The following SEMA3G variants were observed in gnomAD, a reference collection of about 807,000 sequenced individuals.
The protein encoded by SEMA3G is semaphorin 3G, also known as semaphorin-3G.
Under a neutral mutation model 86.2 loss-of-function variants are expected in SEMA3G, and 70 were observed. The ratio of observed to expected loss-of-function variants is 0.81; its 90% CI spans 0.67 to 0.99. SEMA3G has a LOEUF of 0.99. Ranked by LOEUF, SEMA3G falls within the 50% of genes least tolerant of loss-of-function variation. The probability of loss-of-function intolerance (pLI) is 0.00; values close to 1 mark genes in which losing one functional copy is unlikely to be tolerated. For synonymous variants in SEMA3G, 416 were observed against 441.4 expected, an observed-to-expected ratio of 0.94 and a Z score of 0.72; for missense variants, 1,002 against 1,072.4, an observed-to-expected ratio of 0.93 and a Z score of 0.92.
Position 52,437,780 on chromosome 3 carries a change from C to T in SEMA3G, c.1739-114G>A, listed in dbSNP as rs542522285. 3.9e-5 allele frequency: 50 copies of T among 1,287,584 alleles called. No individual in the cohort carries two copies. In the South Asian group the frequency reaches 5.2e-4, roughly 13 times the overall value. The allele number at this position is 1,287,584 out of a possible 1,614,324, so 79.8% of individuals were successfully genotyped here. A position where few individuals can be genotyped will look rare whatever the true frequency, so the allele number is the denominator to read the frequency against. ...CTAGTATGACAAGAACTTAGGCATG[C>T]GTGGATCCCCAAGCCAGCCACTGTG... On this transcript the variant is annotated intron_variant, in intron 14 of 15. Coordinates refer to ENST00000231721, the MANE Select transcript of SEMA3G (RefSeq NM_020163.3).
chr3:52,440,231 C>G, intron 10 of SEMA3G, 133 bp from the exon 11 acceptor site: 2 of 1,087,884 alleles, frequency 1.8e-6, no homozygotes, highest in East Asian at 5.2e-5. Context: ...CTACACCCAC[C>G]CCACCCCACC....
At chr3:52,439,831 C>T in intron 11 of SEMA3G, 36 bp downstream of exon 11, 4 of 1,611,124 alleles carry the variant, frequency 2.5e-6, no homozygotes, top group Non-Finnish European at 3.4e-6. Flanking sequence ...CCCCACACCC[C>T]TCTCCAGCCT....
intron 12 of SEMA3G, 74 bp from the exon 13 acceptor site, chr3:52,439,035 C>T: frequency 1.3e-6 from 2 of 1,530,286 alleles, no homozygotes; most frequent in Non-Finnish European, 1.8e-6. Flanking sequence ...TTTCAGTCTC[C>T]TCCAACCCTG....
At position 52,438,188 on chromosome 3, in the gene SEMA3G, G is replaced by A. The variant is rs537880373; in HGVS notation, c.1521C>T (p.Tyr507=). The part of the protein sequence containing the change: ...MEISVKRQML[Y]VGSRLGVAQL... The stretch of plus-strand genomic sequence containing the variant: ...GGGCCACACCCAGCCGAGAGCCCAC[G>A]TATAGCATTTGCTGGGGAGGGACAG... Residue 507 remains tyrosine, a synonymous_variant, in exon 14 of 16, where the codon TAC becomes TAT. Transcript: ENST00000231721. 18 of 1,612,860 alleles carry A rather than the reference G, an allele frequency of 1.1e-5. No homozygotes were observed. Among genetic ancestry groups the A allele is most frequent in the Middle Eastern group, 1.7e-4 (1 of 6,046 alleles).
chr3:52,444,221 C>T (rs533765343), intron 1 of SEMA3G, among the ~76,000 whole-genome samples: 23 of 152,310 alleles, frequency 1.5e-4, no homozygotes, highest in Non-Finnish European at 2.6e-4. Flanking sequence ...CTCTCTGTCA[C>T]TCTCCCCTGC....
chr3:52,437,563 CCAGCGCA>C lies in SEMA3G; in HGVS notation c.1835_1841del (p.Val612GlyfsTer14). ...CCTCATCCCCTGGCCTCTGCAAGAG[CCAGCGCA>C]CAGCAGCCTGGGGAGACTTGGGCAG... is the stretch of plus-strand genomic sequence containing the variant. On this transcript the variant is annotated frameshift_variant, in exon 15 of 16. Transcript: ENST00000231721. LOFTEE classifies it low-confidence loss of function (END_TRUNC). The C allele has an allele frequency of 2.5e-6, 4 of 1,613,222 alleles. No homozygotes were observed. The highest frequency in any genetic ancestry group is 3.4e-6 in the Non-Finnish European group (4 of 1,179,982).
rs1248169146 is a variant in SEMA3G at position 52,435,665 on chromosome 3, T to G, written c.2287A>C (p.Lys763Gln). 2.5e-6 allele frequency: 4 copies of G among 1,614,050 alleles called. No individual in the cohort carries two copies. The highest frequency in any genetic ancestry group is 3.4e-6 in the Non-Finnish European group (4 of 1,179,990). ...KSWAGLELGK[K>Q]MKSRVHAEHN... ...TCGGCATGCACCCGGCTCTTCATCT[T>G]CTTGCCTAGCTCCAGCCCTGCCCAG... The change falls in exon 16 of 16, where the codon AAG (lysine) becomes CAG (glutamine). Residue 763 changes from lysine (K) to glutamine (Q), a missense_variant. Coordinates refer to ENST00000231721, the MANE Select transcript of SEMA3G (RefSeq NM_020163.3).
rs776607886 is a variant in SEMA3G, at chr3:52,436,047, G to T, written c.1905C>A (p.His635Gln). 1 of 1,611,574 alleles carries T rather than the reference G, an allele frequency of 6.2e-7. No homozygotes were observed. The highest frequency in any genetic ancestry group is 1.1e-5 in the South Asian group (1 of 91,016). The change falls in exon 16 of 16, where the codon CAC becomes CAA. Residue 635 changes from histidine to glutamine, a missense_variant. Physicochemically the swap from His to Gln is conservative, Grantham distance 24 (BLOSUM62 0). Transcript: ENST00000231721. ...TGCGGAACAGCAGCCCCCGCTCCGT[G>T]TGCAAGACTCGCTCGTCCGTCTTCA... is the stretch of plus-strand genomic sequence containing the variant. ...DQVKTDERVL[H>Q]TERGLLFRRL...
chr3:52,440,132 T>C, intron 10 of SEMA3G, 34 bp from the exon 11 acceptor site: 5 of 1,505,856 alleles, frequency 3.3e-6, no homozygotes, highest in Non-Finnish European at 3.6e-6. Context: ...GCCTGAAGTA[T>C]CCTGAGACAG....
At chr3:52,436,620 G>A (rs1017698066) in intron 15 of SEMA3G, among the ~76,000 whole-genome samples, 19 of 152,232 alleles carry the variant, frequency 1.2e-4, no homozygotes, top group Admixed American at 3.3e-4. Flanking sequence ...CCAACGGTGC[G>A]AGCTGACAGC....
At chr3:52,436,322 C>T (rs569037378) in intron 15 of SEMA3G, among the ~76,000 whole-genome samples, 1 of 152,368 alleles carries the variant, frequency 6.6e-6, no homozygotes, top group South Asian at 2.1e-4. Flanking sequence ...TGGCTGGTTT[C>T]TCCCTTAGTC....
At position 52,442,166 on chromosome 3, in the gene SEMA3G, G is replaced by A. The variant is rs768436510; in HGVS notation, c.459+19C>T. On this transcript the variant is annotated intron_variant, in intron 4 of 15. Coordinates refer to ENST00000231721, the MANE Select transcript of SEMA3G (RefSeq NM_020163.3). The surrounding 1 kb of genome is among the most constrained non-coding windows in gnomAD (Gnocchi z 6.1). ...TGTCACTGCCTCCCAGTCCCTTGTG[G>A]GGCCTGGCCCAGGCTCACCTCCCCA... is the stretch of plus-strand genomic sequence containing the variant. 4.4e-6 allele frequency: 7 copies of A among 1,608,910 alleles called. No individual in the cohort carries two copies. The South Asian group carries it at 6.6e-5, about 15-fold the overall frequency.
Position 52,442,905 on chromosome 3 carries a change from G to A in SEMA3G, c.118C>T (p.Leu40Phe), listed in dbSNP as rs766435377. 3 of 1,589,810 alleles carry A rather than the reference G, an allele frequency of 1.9e-6. No homozygotes were observed. Among genetic ancestry groups the A allele is most frequent in the Admixed American group, 1.8e-5 (1 of 56,398 alleles). The change falls in exon 2 of 16, where the codon CTC becomes TTC. Residue 40 changes from leucine (L) to phenylalanine (F), a missense_variant and splice_region_variant. Coordinates refer to ENST00000231721, the MANE Select transcript of SEMA3G (RefSeq NM_020163.3). This position sits in a 1 kb window ranked among gnomAD's most constrained non-coding sequence, Gnocchi z 6.1. ...VPRLRLSYRD[L>F]LSANRSAIFL... ...ATGGCAGAGCGGTTGGCAGACAGGAGGTCTAGGAGGATGTATGGGGAGGCA... is the reference window on the plus strand; with the variant it reads ...ATGGCAGAGCGGTTGGCAGACAGGAAGTCTAGGAGGATGTATGGGGAGGCA...
At chr3:52,437,895 C>T (rs1706074948) in intron 14 of SEMA3G, 76 bp downstream of exon 14, 1 of 1,338,428 alleles carries the variant, frequency 7.5e-7, no homozygotes, top group Admixed American at 1.8e-5. Flanking sequence ...TCTGAGAATG[C>T]ACTTCGCAGG....
intron 14 of SEMA3G, 145 bp downstream of exon 14, chr3:52,437,826 G>T: frequency 9.2e-7 from 1 of 1,086,550 alleles, no homozygotes; most frequent in Non-Finnish European, 1.3e-6. Context: ...CTGCTTCCAT[G>T]CACTAGCAGG....
At chr3:52,441,532 G>A (rs1391650076) in intron 6 of SEMA3G, 42 bp downstream of exon 6, 1 of 1,590,382 alleles carries the variant, frequency 6.3e-7, no homozygotes, top group Non-Finnish European at 8.6e-7. Flanking sequence ...TAGCTGGGAA[G>A]GTAGCCTCTT....
Position 52,442,721 on chromosome 3 carries a change from C to G in SEMA3G, c.276+26G>C. On this transcript the variant is annotated intron_variant, in intron 2 of 15. Transcript: ENST00000231721. The surrounding 1 kb of genome is among the most constrained non-coding windows in gnomAD (Gnocchi z 6.1). ...TGGAGGTGCCCAGTTCTCAAACAGA[C>G]CCTCTTCCCTGCCAGTCCAGCTCAC... The G allele has an allele frequency of 6.2e-7, 1 of 1,613,566 alleles. No homozygotes were observed. Among genetic ancestry groups the G allele is most frequent in the Non-Finnish European group, 8.5e-7 (1 of 1,179,664 alleles).
At position 52,444,983 on chromosome 3, in the gene SEMA3G, G is replaced by C. The variant is rs1439012271; in HGVS notation, c.45C>G (p.Leu15=). 3 of 1,292,700 alleles carry C rather than the reference G, an allele frequency of 2.3e-6. No homozygotes were observed. In the African/African-American group the frequency reaches 4.6e-5, roughly 20 times the overall value. 80.1% of individuals were successfully genotyped at this position (1,292,700 alleles called of 1,614,324 possible). The part of the protein sequence containing the change: ...AWAICWLLGG[L]LLHGGSSGPS... ...GGCCAGAGCTACCCCCATGGAGCAG[G>C]AGGCCCCCTAGCAGCCAGCAAATGG... Residue 15 remains leucine, a synonymous_variant, in exon 1 of 16, where the codon CTC becomes CTG. Transcript: ENST00000231721.
rs1706174238 is a variant in SEMA3G, at chr3:52,442,318, G to A, written c.340-14C>T. 1 of 1,612,482 alleles carries A rather than the reference G, an allele frequency of 6.2e-7. No individual in the cohort carries two copies. Among genetic ancestry groups the A allele is most frequent in the Admixed American group, 1.7e-5 (1 of 59,948 alleles). ...GGCGCACTCTGTCTGCGGGGAGAAG[G>A]AGGGGGTGGTTGAGGGGTGAGAGGG... On this transcript the variant is annotated splice_polypyrimidine_tract_variant and intron_variant, in intron 3 of 15. Coordinates refer to ENST00000231721, the MANE Select transcript of SEMA3G (RefSeq NM_020163.3). This position sits in a 1 kb window ranked among gnomAD's most constrained non-coding sequence, Gnocchi z 6.1.
Sources: allele counts gnomAD v4.1 joint callset (sites outside exome capture counted in the v4.1 genomes callset), GRCh38; gene constraint gnomAD v4.1.1; non-coding constraint Gnocchi (gnomAD v3.1); transcripts MANE v1.5; gene names NCBI Gene and HGNC (gene_info 2026-07-23, HGNC 2026-07-21).